Variants in BYSL observed in about 807,000 individuals in gnomAD.
BYSL encodes bystin like.
BYSL carries 21 observed loss-of-function variants against 45.4 expected under a neutral mutation model. The observed-to-expected ratio is 0.46, with a 90% CI of 0.33 to 0.67. The LOEUF is 0.67. Ranked by LOEUF, BYSL falls within the 30% of genes least tolerant of loss-of-function variation. BYSL has a pLI of 0.02. For missense variants in BYSL, 522 were observed against 578.5 expected (o/e 0.90, Z 1.00); for synonymous variants, 215 against 231.3 (o/e 0.93, Z 0.64).
chr6:41,921,497 G>A (rs904291378), upstream of BYSL: 5 of 1,496,536 alleles, frequency 3.3e-6, no homozygotes, highest in African/African-American at 5.6e-5. Context: ...AGTCCACCGC[G>A]CAAGCGCATC....
upstream of BYSL, chr6:41,921,327 C>T (rs1775462066): frequency 4.9e-6 from 3 of 617,036 alleles, no homozygotes; most frequent in Non-Finnish European, 8.3e-6. Context: ...TCAAAGACTG[C>T]ACTATTGAGA....
the BYSL span, among the ~76,000 whole-genome samples, chr6:41,915,827 T>C: frequency 8.3e-6 from 1 of 119,778 alleles, no homozygotes; most frequent in South Asian, 2.7e-4. Flanking sequence ...CAAAGAAATT[T>C]TGGGTTGTAA....
chr6:41,925,203 G>A (rs1775545842), intron 1 of BYSL, among the ~76,000 whole-genome samples: 1 of 152,132 alleles, frequency 6.6e-6, no homozygotes, highest in African/African-American at 2.4e-5. Flanking sequence ...GAGACAAAAT[G>A]TCTGTTCCCC....
In BYSL at chr6:41,932,494, C is replaced by A. The variant is rs548151085; in HGVS notation, c.1102C>A (p.Arg368=). The change falls in exon 7 of 7, where the codon CGG becomes AGG. Residue 368 remains arginine (R), a synonymous_variant. Transcript: ENST00000230340. The surrounding 1 kb of genome is among the most constrained non-coding windows in gnomAD (Gnocchi z 4.7). ...DALVFHFLGF[R]TEKRELPVLW... is the part of the protein sequence containing the mutation. Reference sequence around the variant, plus strand: ...CCTAGTCTTCCACTTCCTGGGGTTCCGGACAGAGAAGCGTGAACTGCCTGT... The same window carrying A: ...CCTAGTCTTCCACTTCCTGGGGTTCAGGACAGAGAAGCGTGAACTGCCTGT... 1 of 1,614,220 alleles carries A rather than the reference C, an allele frequency of 6.2e-7. No individual in the cohort carries two copies. The highest frequency in any genetic ancestry group is 8.5e-7 in the Non-Finnish European group (1 of 1,180,046).
intron 2 of BYSL, among the ~76,000 whole-genome samples, chr6:41,929,782 G>A (rs1027195123): frequency 1.3e-5 from 2 of 152,170 alleles, no homozygotes; most frequent in African/African-American, 4.8e-5. Context: ...TACAAATGAG[G>A]AAACAGAGGC....
the BYSL span, among the ~76,000 whole-genome samples, chr6:41,910,448 A>G: frequency 6.6e-6 from 1 of 151,688 alleles, no homozygotes; most frequent in African/African-American, 2.4e-5. Flanking sequence ...CCTGATCAAC[A>G]TGGTGAAAAC....
chr6:41,909,350 GC>G, the BYSL span: 1 of 1,614,024 alleles, frequency 6.2e-7, no homozygotes, highest in Non-Finnish European at 8.5e-7. Flanking sequence ...GGTACCTGGT[GC>G]CCCGGGTCTC....
At chr6:41,920,096 G>A (rs1775421196), upstream of BYSL, among the ~76,000 whole-genome samples, 1 of 152,090 alleles carries the variant, frequency 6.6e-6, no homozygotes. Flanking sequence ...ACGCCTCCAC[G>A]AGCACTGGAC....
At chr6:41,913,634 T>G in the BYSL span, among the ~76,000 whole-genome samples, 1 of 152,216 alleles carries the variant, frequency 6.6e-6, no homozygotes, top group Non-Finnish European at 1.5e-5. Context: ...GTGCAGTGGC[T>G]CATGCCTGTA....
chr6:41,932,234 C>T lies in BYSL; in HGVS notation c.969-127C>T. ...TATGATTGTGTAGGTGAGAAGGTCC[C>T]TGGGGAATACCATAGTGTAAGGGCC... On this transcript the variant is annotated intron_variant, in intron 6 of 6. Coordinates refer to ENST00000230340, the MANE Select transcript of BYSL (RefSeq NM_004053.4). The surrounding 1 kb of genome is among the most constrained non-coding windows in gnomAD (Gnocchi z 4.7). 3.3e-6 allele frequency: 3 copies of T among 900,926 alleles called. No homozygotes were observed. The highest frequency in any genetic ancestry group is 4.3e-5 in the Admixed American group (2 of 46,648). The allele number at this position is 900,926 out of a possible 1,614,324, so 55.8% of individuals were successfully genotyped here. A position where few individuals can be genotyped will look rare whatever the true frequency, so the allele number is the denominator to read the frequency against.
intron 2 of BYSL, 113 bp from the exon 3 acceptor site, chr6:41,930,019 A>G (rs1775614858): frequency 1.5e-6 from 2 of 1,373,880 alleles, no homozygotes; most frequent in South Asian, 2.6e-5. Flanking sequence ...TCCCAGCAGG[A>G]TCGCAGTATG....
At chr6:41,926,457 A>G (rs1383385317) in intron 1 of BYSL, among the ~76,000 whole-genome samples, 1 of 151,146 alleles carries the variant, frequency 6.6e-6, no homozygotes, top group Admixed American at 6.6e-5. Context: ...TTTTAATTTT[A>G]TATATATTTT....
intron 6 of BYSL, 56 bp downstream of exon 6, chr6:41,931,886 T>G: frequency 1.3e-6 from 2 of 1,522,560 alleles, no homozygotes; most frequent in Non-Finnish European, 1.8e-6. Flanking sequence ...ATAGTGGAAT[T>G]GCCAGGACTT....
the BYSL span, among the ~76,000 whole-genome samples, chr6:41,916,035 C>A: frequency 1.3e-5 from 2 of 151,772 alleles, no homozygotes; most frequent in Non-Finnish European, 2.9e-5. Context: ...TCCCTTGAGG[C>A]CAGGAATTCA....
At chr6:41,929,343 A>G (rs1005808462) in intron 2 of BYSL, among the ~76,000 whole-genome samples, 2 of 152,186 alleles carry the variant, frequency 1.3e-5, no homozygotes, top group African/African-American at 2.4e-5. Flanking sequence ...ACAGAAGAAT[A>G]AAAAACTAGC....
At chr6:41,917,490 C>T (rs1222498939), upstream of BYSL, 2 of 235,650 alleles carry the variant, frequency 8.5e-6, no homozygotes, top group African/African-American at 2.3e-5. Context: ...TGAATGTGAA[C>T]AATCAATTAA....
intron 2 of BYSL, 93 bp from the exon 3 acceptor site, chr6:41,930,039 A>C: frequency 6.6e-7 from 1 of 1,515,972 alleles, no homozygotes; most frequent in South Asian, 1.2e-5. Flanking sequence ...GGCGGTGCTC[A>C]CAGGGGACTG....
At chr6:41,928,247 A>G (rs1202476297) in intron 2 of BYSL, among the ~76,000 whole-genome samples, 1 of 152,198 alleles carries the variant, frequency 6.6e-6, no homozygotes, top group East Asian at 1.9e-4. Flanking sequence ...AGGGTCCTCA[A>G]CCAGTTCATT....
chr6:41,931,897 G>T, intron 6 of BYSL, 67 bp downstream of exon 6: 2 of 1,454,178 alleles, frequency 1.4e-6, no homozygotes, highest in Non-Finnish European at 1.9e-6. Context: ...GCCAGGACTT[G>T]GGAATGGGCA....
Sources: gnomAD v4.1 joint callset for allele counts (sites outside exome capture counted in the v4.1 genomes callset) on GRCh38, gnomAD v4.1.1 for gene constraint, Gnocchi (gnomAD v3.1) non-coding constraint, MANE v1.5 for transcripts, NCBI Gene and HGNC (gene_info 2026-07-23, HGNC 2026-07-21) for gene names.